AARD: variants seen among roughly 807,000 people sequenced by gnomAD.
AARD encodes the protein alanine and arginine rich domain containing protein, also known as alanine- and arginine-rich domain-containing protein.
Under a neutral mutation model 9.3 loss-of-function variants are expected in AARD, and 9 were observed. That is an observed-to-expected ratio of 0.97 (90% CI 0.58 to 1.69). AARD has a LOEUF of 1.69. Ranked by LOEUF, AARD falls within the 40% of genes most tolerant of loss-of-function variation. The probability of loss-of-function intolerance (pLI) is 0.00; values close to 1 mark genes in which losing one functional copy is unlikely to be tolerated. For missense variants in AARD, 236 were observed against 210.3 expected (o/e 1.12, Z -0.76); for synonymous variants, 91 against 93.8 (o/e 0.97, Z 0.17).
Position 116,939,361 on chromosome 8 carries a change from G to C in AARD, c.324+794G>C, listed in dbSNP as rs558061890. ...AGAAGAACAGTATTAGGCCGGAGCT[G>C]TGGCTCATGCCTGTAATCCTAGCTC... On this transcript the variant is annotated intron_variant, in intron 1 of 1. Transcript: ENST00000378279. Among the ~76,000 whole-genome samples the C allele has an allele frequency of 5.3e-5, 8 of 152,342 alleles. No individual in the cohort carries two copies. In the East Asian group the frequency reaches 1.5e-3, roughly 29 times the overall value.
chr8:116,938,348 C>T lies in AARD; in HGVS notation c.105C>T (p.Asp35=). Residue 35 remains aspartate (D), a synonymous_variant, in exon 1 of 2, where the codon GAC becomes GAT. Transcript: ENST00000378279. ...GGTTCCCACCTCGTCCCGCGTGCGA[C>T]TTCTTCGGGGACGGCAGGAGCACGG... ...ELWFPPRPAC[D]FFGDGRSTDI... 6.2e-7 allele frequency: 1 copy of T among 1,613,048 alleles called. No homozygotes were observed. The highest frequency in any genetic ancestry group is 8.5e-7 in the Non-Finnish European group (1 of 1,179,948).
chr8:116,939,904 C>T (rs937521611), intron 1 of AARD, among the ~76,000 whole-genome samples: 8 of 152,128 alleles, frequency 5.3e-5, no homozygotes, highest in African/African-American at 1.7e-4. Context: ...TGGGATCTGC[C>T]GGTACTCCTT....
chr8:116,940,727 TTGAC>T (rs1386749552), intron 1 of AARD, among the ~76,000 whole-genome samples: 7 of 152,338 alleles, frequency 4.6e-5, no homozygotes, highest in Admixed American at 2.0e-4. Flanking sequence ...TTTCTATTGT[TTGAC>T]TGGGTTTTCT....
intron 1 of AARD, among the ~76,000 whole-genome samples, chr8:116,941,482 T>C (rs957635223): frequency 2.0e-5 from 3 of 152,224 alleles, no homozygotes; most frequent in African/African-American, 7.2e-5. Flanking sequence ...TGGGCCACCC[T>C]AGAGAGCTGA....
chr8:116,942,568 A>G lies in AARD; in HGVS notation c.335A>G (p.His112Arg), dbSNP rs1411526890. The G allele has an allele frequency of 2.5e-6, 4 of 1,611,544 alleles. No individual in the cohort carries two copies. In the East Asian group the frequency reaches 6.7e-5, roughly 27 times the overall value. ...ARLRAELVEM[H>R]FQNHQLARTL... ...TTTTCTAACTTTTAGGTGGAAATGC[A>G]TTTCCAAAACCACCAGCTGGCTAGA... The change falls in exon 2 of 2, where the codon CAT (histidine) becomes CGT (arginine). Residue 112 changes from histidine to arginine, a missense_variant. By Grantham distance (29) the His-to-Arg change is conservative. Transcript: ENST00000378279.
At chr8:116,941,417 A>C (rs544120687) in intron 1 of AARD, among the ~76,000 whole-genome samples, 1 of 152,332 alleles carries the variant, frequency 6.6e-6, no homozygotes, top group African/African-American at 2.4e-5. Context: ...GGGAGCTGGC[A>C]TGGGAAAGAG....
At chr8:116,941,203 G>A (rs1164371182) in intron 1 of AARD, among the ~76,000 whole-genome samples, 1 of 152,186 alleles carries the variant, frequency 6.6e-6, no homozygotes, top group Non-Finnish European at 1.5e-5. Flanking sequence ...TGAGGCACTT[G>A]TACAGAGTGC....
chr8:116,939,037 C>T (rs548422985), intron 1 of AARD, among the ~76,000 whole-genome samples: 15 of 152,042 alleles, frequency 9.9e-5, no homozygotes, highest in South Asian at 2.1e-4. Flanking sequence ...TGCACCATTT[C>T]GAACATTACA....
intron 1 of AARD, 63 bp from the exon 2 acceptor site, chr8:116,942,495 A>C (rs1813754980): frequency 7.2e-7 from 1 of 1,391,194 alleles, no homozygotes; most frequent in Admixed American, 2.2e-5. Context: ...GTGTAGTCAG[A>C]GAGTGGTTTC....
chr8:116,940,423 C>T (rs1586309043), intron 1 of AARD, among the ~76,000 whole-genome samples: 1 of 152,080 alleles, frequency 6.6e-6, no homozygotes, highest in Admixed American at 6.6e-5. Context: ...GGAAAGGAAC[C>T]AGAGAAGTTT....
In AARD at chr8:116,938,508, C is replaced by G. The variant is rs1483665269; in HGVS notation, c.265C>G (p.Arg89Gly). 6.6e-7 allele frequency: 1 copy of G among 1,524,850 alleles called. No homozygotes were observed. The highest frequency in any genetic ancestry group is 1.4e-5 in the African/African-American group (1 of 70,652). 94.5% of individuals were successfully genotyped at this position (1,524,850 alleles called of 1,614,324 possible). The change falls in exon 1 of 2, where the codon CGG (arginine) becomes GGG (glycine). Residue 89 changes from arginine to glycine, a missense_variant. Physicochemically the swap from Arg to Gly is moderately radical, Grantham distance 125. Coordinates refer to ENST00000378279, the MANE Select transcript of AARD (RefSeq NM_001025357.3). ...GGAGGCGGCGGCGGCGGCGGCGGCG[C>G]GGGAGGAGCAGAGCTGGACGGGCGT... ...VQEAAAAAAA[R>G]EEQSWTGVEA...
intron 1 of AARD, among the ~76,000 whole-genome samples, chr8:116,941,227 A>G (rs909019465): frequency 5.3e-5 from 8 of 152,220 alleles, no homozygotes; most frequent in Non-Finnish European, 8.8e-5. Flanking sequence ...GGATGCACAG[A>G]TGAGAGGCAA....
At position 116,938,754 on chromosome 8, in the gene AARD, TG is replaced by T. The variant is rs1586308238; in HGVS notation, c.324+193del. ...GAAAAGGGCCCTGCAGGACCCATGG[TG>T]GGGGGTGGGGGCGGGGGTGCCTGGT... is the stretch of plus-strand genomic sequence containing the variant. On this transcript the variant is annotated intron_variant, in intron 1 of 1. Transcript: ENST00000378279. 13 of 825,270 alleles carry T rather than the reference TG, an allele frequency of 1.6e-5. No individual in the cohort carries two copies. The East Asian group carries it at 2.0e-4, about 13-fold the overall frequency. The allele number at this position is 825,270 out of a possible 1,614,324, so 51.1% of individuals were successfully genotyped here.
chr8:116,940,418 G>A (rs1430359894), intron 1 of AARD, among the ~76,000 whole-genome samples: 2 of 152,264 alleles, frequency 1.3e-5, no homozygotes, highest in East Asian at 1.9e-4. Context: ...TTTCTGGAAA[G>A]GAACCAGAGA....
At chr8:116,940,067 C>T (rs573754746) in intron 1 of AARD, among the ~76,000 whole-genome samples, 1 of 152,158 alleles carries the variant, frequency 6.6e-6, no homozygotes, top group Non-Finnish European at 1.5e-5. Context: ...CTCACGAGAT[C>T]GGGTGCGTTC....
At chr8:116,942,058 A>G (rs1265494808) in intron 1 of AARD, among the ~76,000 whole-genome samples, 2 of 152,214 alleles carry the variant, frequency 1.3e-5, no homozygotes, top group Non-Finnish European at 2.9e-5. Flanking sequence ...ACACATAACT[A>G]TACATGTGTC....
In AARD at chr8:116,938,401, G is replaced by T; in HGVS notation, c.158G>T (p.Ser53Ile). Residue 53 changes from serine to isoleucine, a missense_variant, in exon 1 of 2, where the codon AGC becomes ATC. Transcript: ENST00000378279. ...TDIQEEALAA[S>I]PLLEDLRRRL... Reference sequence around the variant, plus strand: ...ATCCAGGAGGAGGCCCTCGCCGCCAGCCCGCTGCTGGAGGACCTCAGACGA... The same window carrying T: ...ATCCAGGAGGAGGCCCTCGCCGCCATCCCGCTGCTGGAGGACCTCAGACGA... The T allele has an allele frequency of 6.2e-7, 1 of 1,612,144 alleles. No individual in the cohort carries two copies. Among genetic ancestry groups the T allele is most frequent in the Non-Finnish European group, 8.5e-7 (1 of 1,179,704 alleles).
intron 1 of AARD, 153 bp downstream of exon 1, chr8:116,938,720 G>T (rs983352654): frequency 1.7e-6 from 2 of 1,159,128 alleles, no homozygotes; most frequent in South Asian, 2.0e-5. Context: ...CCCCAGCATC[G>T]TTGGGAAGGA....
In AARD at chr8:116,944,159, A is replaced by T. The variant is rs1465576582; in HGVS notation, c.*1458A>T. 6.6e-6 allele frequency: 1 copy of T among 152,230 alleles called. No homozygotes were observed. The highest frequency in any genetic ancestry group is 2.4e-5 in the African/African-American group (1 of 41,470). The allele number at this position is 152,230 out of a possible 1,614,324, so 9.4% of individuals were successfully genotyped here. A position where few individuals can be genotyped will look rare whatever the true frequency, so the allele number is the denominator to read the frequency against. ...TGTTAAAAGAAATACAAGGACAAGCATGGTGGATCACGCTTGTAATTCCAG... is the reference window on the plus strand; with the variant it reads ...TGTTAAAAGAAATACAAGGACAAGCTTGGTGGATCACGCTTGTAATTCCAG... On this transcript the variant is annotated 3_prime_UTR_variant, in exon 2 of 2. Transcript: ENST00000378279.
Sources: gnomAD v4.1 joint callset for allele counts (sites outside exome capture counted in the v4.1 genomes callset) on GRCh38, gnomAD v4.1.1 for gene constraint, MANE v1.5 for transcripts, NCBI Gene and HGNC (gene_info 2026-07-23, HGNC 2026-07-21) for gene names.